The following KCNH5 variants were observed in gnomAD, a reference collection of about 807,000 sequenced individuals.
KCNH5 encodes voltage-gated delayed rectifier potassium channel KCNH5.
In KCNH5, 46 loss-of-function variants were observed where a neutral mutation model predicts 96.1. That is an observed-to-expected ratio of 0.48 (90% CI 0.38 to 0.61). The LOEUF is 0.61. Ranked by LOEUF, KCNH5 falls within the 20% of genes least tolerant of loss-of-function variation. KCNH5 has a pLI of 0.00. For synonymous variants in KCNH5, 439 were observed against 449.8 expected, an observed-to-expected ratio of 0.98 and a Z score of 0.30; for missense variants, 907 against 1,225.8, an observed-to-expected ratio of 0.74 and a Z score of 3.88.
chr14:62,921,701 C>A (rs879005597), intron 7 of KCNH5, among the ~76,000 whole-genome samples: 1 of 152,132 alleles, frequency 6.6e-6, no homozygotes, highest in Non-Finnish European at 1.5e-5. Context: ...ACTTCCCAAC[C>A]ATTTCACTGG....
At chr14:62,889,870 A>G (rs1314501513) in intron 7 of KCNH5, among the ~76,000 whole-genome samples, 1 of 152,232 alleles carries the variant, frequency 6.6e-6, no homozygotes, top group Non-Finnish European at 1.5e-5. Flanking sequence ...AGGCATTAGA[A>G]AACTAAGTAG....
chr14:62,898,702 C>A (rs1255982592), intron 7 of KCNH5, among the ~76,000 whole-genome samples: 2 of 152,026 alleles, frequency 1.3e-5, no homozygotes, highest in African/African-American at 4.8e-5. Context: ...GTATTAATAG[C>A]AGACAAAATG....
At chr14:62,936,025 C>T (rs1423421922) in intron 7 of KCNH5, among the ~76,000 whole-genome samples, 1 of 151,976 alleles carries the variant, frequency 6.6e-6, no homozygotes, top group Non-Finnish European at 1.5e-5. Flanking sequence ...GAAGAAATAG[C>T]AAGAGAGGTC....
intron 8 of KCNH5, among the ~76,000 whole-genome samples, chr14:62,820,145 T>C (rs951462989): frequency 2.0e-5 from 3 of 152,008 alleles, no homozygotes; most frequent in African/African-American, 7.3e-5. Flanking sequence ...CAGGGGAAAA[T>C]ATAGGCAGCA....
Position 62,981,203 on chromosome 14 carries a change from G to A in KCNH5, c.611C>T (p.Pro204Leu), listed in dbSNP as rs776842795. 1 of 1,614,060 alleles carries A rather than the reference G, an allele frequency of 6.2e-7. No individual in the cohort carries two copies. Among genetic ancestry groups the A allele is most frequent in the Admixed American group, 1.7e-5 (1 of 60,020 alleles). Reference sequence around the variant, plus strand: ...AGCACAATAATGTAAAATAATGTGTGGTGGCGTCTTTGGCGCTTCTTGTTT... The same window carrying A: ...AGCACAATAATGTAAAATAATGTGTAGTGGCGTCTTTGGCGCTTCTTGTTT... ...QYKQEAPKTP[P>L]HIILHYCAFK... The change falls in exon 6 of 11, where the codon CCA (proline) becomes CTA (leucine). Residue 204 changes from proline (P) to leucine (L), a missense_variant. Pro to Leu is a moderately conservative substitution (Grantham distance 98, BLOSUM62 -3). This residue lies in a region of KCNH5 where 370 missense variants were observed against 561.3 expected (regional missense o/e 0.66). Coordinates refer to ENST00000322893, the MANE Select transcript of KCNH5 (RefSeq NM_139318.5).
At position 62,711,670 on chromosome 14, in the gene KCNH5, A is replaced by G. The variant is rs1051326735; in HGVS notation, c.2020-3215T>C. Among the ~76,000 whole-genome samples the G allele has an allele frequency of 6.6e-5, 10 of 152,298 alleles. No homozygotes were observed. The East Asian group carries it at 1.9e-3, about 29-fold the overall frequency. On this transcript the variant is annotated intron_variant, in intron 10 of 10. Transcript: ENST00000322893. Reference sequence around the variant, plus strand: ...CAGCGGAAAAACATGCTCTTTAGAGAGCCAAAGTTCCCCTCTTTGCTCCTT... The same window carrying G: ...CAGCGGAAAAACATGCTCTTTAGAGGGCCAAAGTTCCCCTCTTTGCTCCTT...
intron 7 of KCNH5, among the ~76,000 whole-genome samples, chr14:62,894,003 G>A (rs539540023): frequency 7.9e-5 from 12 of 152,196 alleles, no homozygotes; most frequent in African/African-American, 1.2e-4. Flanking sequence ...TCTTCCACCC[G>A]CAAAAAGATT....
intron 6 of KCNH5, among the ~76,000 whole-genome samples, chr14:62,979,733 T>C (rs1890570718): frequency 6.6e-6 from 1 of 152,176 alleles, no homozygotes; most frequent in Admixed American, 6.5e-5. Flanking sequence ...TTGTATCCTA[T>C]TAGCTTGGTG....
At chr14:63,018,104 T>C (rs1163223809) in intron 1 of KCNH5, among the ~76,000 whole-genome samples, 1 of 151,798 alleles carries the variant, frequency 6.6e-6, no homozygotes, top group African/African-American at 2.4e-5. Flanking sequence ...AAAAGCAAAA[T>C]CTGTTTGAAG....
chr14:62,711,878 A>C (rs1393943617), intron 10 of KCNH5, among the ~76,000 whole-genome samples: 1 of 152,228 alleles, frequency 6.6e-6, no homozygotes, highest in Non-Finnish European at 1.5e-5. Flanking sequence ...CTTTCAGGCC[A>C]TCAATTATGC....
chr14:62,726,322 T>C (rs1884924605), intron 10 of KCNH5, among the ~76,000 whole-genome samples: 1 of 152,122 alleles, frequency 6.6e-6, no homozygotes, highest in Non-Finnish European at 1.5e-5. Context: ...AAAATTCAGA[T>C]TTTTTTCTTT....
At chr14:62,873,602 C>T (rs757495772) in intron 7 of KCNH5, among the ~76,000 whole-genome samples, 11 of 152,088 alleles carry the variant, frequency 7.2e-5, no homozygotes, top group South Asian at 4.1e-4. Context: ...AATTATATAG[C>T]GTTTGAAGGC....
chr14:62,761,474 C>T (rs367655908), intron 10 of KCNH5, among the ~76,000 whole-genome samples: 1 of 151,854 alleles, frequency 6.6e-6, no homozygotes, highest in African/African-American at 2.4e-5. Context: ...TTTCAGTCAC[C>T]TCAGAAAACA....
chr14:62,978,920 C>T (rs1028692751), intron 6 of KCNH5, among the ~76,000 whole-genome samples: 5 of 152,094 alleles, frequency 3.3e-5, no homozygotes, highest in Admixed American at 2.0e-4. Context: ...GTGGTGAGAA[C>T]ACTTTACACC....
chr14:62,955,608 G>C lies in KCNH5; in HGVS notation c.943-5049C>G, dbSNP rs966402153. On this transcript the variant is annotated intron_variant, in intron 6 of 10. Transcript: ENST00000322893. ...CATTCTGAAAGTCTCTATACCTAGA[G>C]TATAATGTGTAACTTATCCAACCAC... Among the ~76,000 whole-genome samples, 6 of 152,202 alleles carry C rather than the reference G, an allele frequency of 3.9e-5. 1 individual carries two copies. Among genetic ancestry groups the C allele is most frequent in the Non-Finnish European group, 8.8e-5 (6 of 68,040 alleles).
At chr14:62,799,746 T>C (rs1227758487) in intron 9 of KCNH5, among the ~76,000 whole-genome samples, 50 of 107,420 alleles carry the variant, frequency 4.7e-4, no homozygotes, top group African/African-American at 1.1e-3. Context: ...CACACACACA[T>C]ATCAGGGTGT....
intron 10 of KCNH5, among the ~76,000 whole-genome samples, chr14:62,772,223 TTAAC>T (rs1289895035): frequency 2.0e-5 from 3 of 152,298 alleles, no homozygotes; most frequent in East Asian, 1.9e-4. Flanking sequence ...TTTTTTTTGA[TTAAC>T]TAATATTTTT....
intron 4 of KCNH5, among the ~76,000 whole-genome samples, chr14:62,999,999 G>A (rs1473319083): frequency 6.6e-6 from 1 of 151,998 alleles, no homozygotes; most frequent in Non-Finnish European, 1.5e-5. Context: ...AGGGAATATG[G>A]GTCCAAATTG....
chr14:63,013,849 G>T (rs1047821757), intron 2 of KCNH5, among the ~76,000 whole-genome samples: 27 of 151,962 alleles, frequency 1.8e-4, no homozygotes, highest in African/African-American at 2.7e-4. Flanking sequence ...TGGATATTTT[G>T]ATTCCTTCCA....
Sources: gnomAD v4.1 joint callset for allele counts (sites outside exome capture counted in the v4.1 genomes callset) on GRCh38, gnomAD v4.1.1 for gene constraint, gnomAD v4.1.1 regional missense constraint, MANE v1.5 for transcripts, NCBI Gene and HGNC (gene_info 2026-07-23, HGNC 2026-07-21) for gene names.